A2ML1: variants seen among roughly 807,000 people sequenced by gnomAD.
A2ML1 encodes alpha-2-macroglobulin-like protein 1.
A2ML1 carries 161 observed loss-of-function variants against 181.9 expected under a neutral mutation model. The ratio of observed to expected loss-of-function variants is 0.89; its 90% CI spans 0.78 to 1.01. A2ML1 has a LOEUF of 1.01. A2ML1 is among the 50% of genes least tolerant of loss of function. A2ML1 has a pLI of 0.00. For missense variants in A2ML1, 1,670 were observed against 1,768.1 expected (o/e 0.94, Z 1.00); for synonymous variants, 663 against 666.8 (o/e 0.99, Z 0.09).
intron 12 of A2ML1, among the ~76,000 whole-genome samples, chr12:8,843,579 C>T (rs887714134): frequency 4.4e-4 from 67 of 152,090 alleles, no homozygotes; most frequent in African/African-American, 1.4e-3. Flanking sequence ...CATTTTAACA[C>T]GAAAGCCATA....
downstream of A2ML1, among the ~76,000 whole-genome samples, chr12:8,879,383 C>T (rs1344946829): frequency 2.6e-5 from 4 of 151,680 alleles, no homozygotes; most frequent in Admixed American, 6.6e-5. Flanking sequence ...CCCAGCTACT[C>T]GGGAGGCTGA....
At chr12:8,848,172 G>C (rs1943766000) in intron 15 of A2ML1, among the ~76,000 whole-genome samples, 2 of 150,428 alleles carry the variant, frequency 1.3e-5, no homozygotes, top group African/African-American at 4.9e-5. Flanking sequence ...GAAAGGATAA[G>C]AGAAAGGCAT....
intron 11 of A2ML1, 125 bp downstream of exon 11, chr12:8,841,661 C>G: frequency 9.9e-7 from 1 of 1,012,516 alleles, no homozygotes; most frequent in East Asian, 2.6e-5. Context: ...ACAAGTCCTG[C>G]TCTCCCGTTG....
Position 8,823,318 on chromosome 12 carries a change from G to C in A2ML1, c.199G>C (p.Glu67Gln), listed in dbSNP as rs1408000987. The C allele has an allele frequency of 6.2e-7, 1 of 1,614,164 alleles. No individual in the cohort carries two copies. Among genetic ancestry groups the C allele is most frequent in the South Asian group, 1.1e-5 (1 of 91,080 alleles). ...ETKDKTQKLLEYSGLKKRHLH... is the reference protein window; with the variant it reads ...ETKDKTQKLLQYSGLKKRHLH... ...CAAGGACAAGACCCAGAAGTTGCTA[G>C]AATACTCTGGACTGAAGAAGAGGCA... The change falls in exon 2 of 36, where the codon GAA becomes CAA. Residue 67 changes from glutamate (E) to glutamine (Q), a missense_variant. Physicochemically the swap from Glu to Gln is conservative, Grantham distance 29. Coordinates refer to ENST00000299698, the MANE Select transcript of A2ML1 (RefSeq NM_144670.6).
chr12:8,860,985 C>T (rs764367367), intron 27 of A2ML1, 30 bp downstream of exon 27: 4 of 1,612,594 alleles, frequency 2.5e-6, no homozygotes, highest in East Asian at 4.5e-5. Context: ...GCTCTTGATA[C>T]CCTCCTTCTC....
intron 23 of A2ML1, 77 bp downstream of exon 23, chr12:8,855,669 T>TA (rs1285564609): frequency 1.8e-5 from 25 of 1,361,700 alleles, no homozygotes; most frequent in Non-Finnish European, 2.3e-5. Context: ...GGGCGGGACA[T>TA]ACGGACCTAT....
chr12:8,886,435 A>G (rs541533858), intron 7 of A2ML1: 1 of 152,168 alleles, frequency 6.6e-6, no homozygotes, highest in Admixed American at 6.5e-5. Context: ...CTAATTTCCT[A>G]TTTATTTTGT....
rs1944100639 is a variant in A2ML1, at chr12:8,857,291, G to T, written c.2976G>T (p.Gly992=). ...IYVLQYLEKA[G]LLTEEIRSRA... is the part of the protein sequence containing the mutation. Reference sequence around the variant, plus strand: ...TCTTGCAGTACCTGGAGAAGGCAGGGCTGCTGACGGAGGAGATCAGGTCTC... The same window carrying T: ...TCTTGCAGTACCTGGAGAAGGCAGGTCTGCTGACGGAGGAGATCAGGTCTC... The change falls in exon 24 of 36, where the codon GGG becomes GGT. Residue 992 remains glycine, a synonymous_variant. Coordinates refer to ENST00000299698, the MANE Select transcript of A2ML1 (RefSeq NM_144670.6). 1.9e-6 allele frequency: 3 copies of T among 1,613,882 alleles called. No individual in the cohort carries two copies. Among genetic ancestry groups the T allele is most frequent in the African/African-American group, 2.7e-5 (2 of 74,910 alleles).
In A2ML1 at chr12:8,854,607, G is replaced by A. The variant is rs191967770; in HGVS notation, c.2713-173G>A. On this transcript the variant is annotated intron_variant, in intron 21 of 35. Coordinates refer to ENST00000299698, the MANE Select transcript of A2ML1 (RefSeq NM_144670.6). Reference sequence around the variant, plus strand: ...TGCCCAGAAAGAACTTTACAGAAAGGGCCCATCCTTGGGTTGACGCAGAGT... The same window carrying A: ...TGCCCAGAAAGAACTTTACAGAAAGAGCCCATCCTTGGGTTGACGCAGAGT... Among the ~76,000 whole-genome samples the A allele has an allele frequency of 2.3e-3, 353 of 150,692 alleles. 2 individuals carry two copies. Among genetic ancestry groups the A allele is most frequent in the African/African-American group, 8.3e-3 (343 of 41,188 alleles).
chr12:8,869,619 C>T (rs1944553410), intron 33 of A2ML1, among the ~76,000 whole-genome samples: 1 of 151,430 alleles, frequency 6.6e-6, no homozygotes, highest in Non-Finnish European at 1.5e-5. Flanking sequence ...CCAGTATGTA[C>T]TTTACACTGT....
chr12:8,851,913 G>A lies in A2ML1; in HGVS notation c.2364G>A (p.Lys788=). 6.2e-7 allele frequency: 1 copy of A among 1,614,190 alleles called. No homozygotes were observed. The highest frequency in any genetic ancestry group is 8.5e-7 in the Non-Finnish European group (1 of 1,180,038). Residue 788 remains lysine, a synonymous_variant, in exon 19 of 36, where the codon AAG becomes AAA. Transcript: ENST00000299698. Reference sequence around the variant, plus strand: ...CCACTGTTGGACTAACTGCTTTCAAGCCGTTCTTTGTTGACCTGACTCTCC... The same window carrying A: ...CCACTGTTGGACTAACTGCTTTCAAACCGTTCTTTGTTGACCTGACTCTCC... ...LSPTVGLTAF[K]PFFVDLTLPY...
chr12:8,870,561 C>T (rs553098937), intron 33 of A2ML1, among the ~76,000 whole-genome samples: 27 of 152,212 alleles, frequency 1.8e-4, no homozygotes, highest in Non-Finnish European at 3.7e-4. Flanking sequence ...GCCACCGCAC[C>T]CAGCCGAGTT....
intron 20 of A2ML1, 29 bp from the exon 21 acceptor site, chr12:8,854,099 C>T (rs1592138911): frequency 1.3e-6 from 2 of 1,550,586 alleles, no homozygotes; most frequent in South Asian, 1.3e-5. Flanking sequence ...GGCAATAGGG[C>T]TAATGGCTTC....
chr12:8,845,906 A>G (rs916090144), intron 13 of A2ML1, among the ~76,000 whole-genome samples, 171 bp from the exon 14 acceptor site: 1 of 151,694 alleles, frequency 6.6e-6, no homozygotes, highest in Admixed American at 6.6e-5. Context: ...ATTCTTATCC[A>G]CAGAAGTAAT....
chr12:8,867,968 A>C lies in A2ML1; in HGVS notation c.3844A>C (p.Asn1282His). The C allele has an allele frequency of 6.2e-7, 1 of 1,614,258 alleles. No homozygotes were observed. Among genetic ancestry groups the C allele is most frequent in the Non-Finnish European group, 8.5e-7 (1 of 1,180,054 alleles). Residue 1282 changes from asparagine to histidine, a missense_variant, in exon 30 of 36, where the codon AAC becomes CAC. Asn to His is a moderately conservative substitution (Grantham distance 68). Transcript: ENST00000299698. ...FQRTFNIQSVNRLVFQQDTLP... is the reference protein window; with the variant it reads ...FQRTFNIQSVHRLVFQQDTLP... ...GCGCACATTCAACATACAGTCAGTTAACAGATTGGTATTTCAGCAGGATAC... is the reference window on the plus strand; with the variant it reads ...GCGCACATTCAACATACAGTCAGTTCACAGATTGGTATTTCAGCAGGATAC...
At chr12:8,885,079 A>C (rs941730806) in intron 7 of A2ML1, among the ~76,000 whole-genome samples, 1 of 151,958 alleles carries the variant, frequency 6.6e-6, no homozygotes, top group Admixed American at 6.6e-5. Flanking sequence ...TTATATGTCT[A>C]GATCAGAGGA....
At chr12:8,836,184 C>A (rs996625810) in intron 6 of A2ML1, 71 bp from the exon 7 acceptor site, 2 of 1,256,254 alleles carry the variant, frequency 1.6e-6, no homozygotes, top group Middle Eastern at 1.9e-4. Context: ...TGTTTATACC[C>A]CTCTGCTCAC....
intron 4 of A2ML1, among the ~76,000 whole-genome samples, chr12:8,832,427 G>A (rs930330026): frequency 4.6e-5 from 7 of 152,188 alleles, no homozygotes; most frequent in Admixed American, 4.6e-4. Context: ...GGGCAAGAAG[G>A]GGGTCTTTTT....
chr12:8,838,209 G>A lies in A2ML1; in HGVS notation c.856-127G>A, dbSNP rs1437125243. 2.2e-5 allele frequency: 13 copies of A among 602,644 alleles called. No individual in the cohort carries two copies. In the East Asian group the frequency reaches 3.6e-4, roughly 17 times the overall value. The allele number at this position is 602,644 out of a possible 1,614,324, so 37.3% of individuals were successfully genotyped here. On this transcript the variant is annotated intron_variant, in intron 8 of 35. Coordinates refer to ENST00000299698, the MANE Select transcript of A2ML1 (RefSeq NM_144670.6). ...AGTGTATACTTCATGTTGTAGGAGA[G>A]TTTTTCTATATTAGAAACTGAAGTG...
Sources: gnomAD v4.1 joint callset for allele counts (sites outside exome capture counted in the v4.1 genomes callset) on GRCh38, gnomAD v4.1.1 for gene constraint, MANE v1.5 for transcripts, NCBI Gene and HGNC (gene_info 2026-07-23, HGNC 2026-07-21) for gene names.